The following SSBP3 variants were observed in gnomAD, a reference collection of about 807,000 sequenced individuals.
SSBP3 encodes single-stranded DNA-binding protein 3.
Under a neutral mutation model 69.6 loss-of-function variants are expected in SSBP3, and 5 were observed. That is an observed-to-expected ratio of 0.07 (90% CI 0.04 to 0.15). The LOEUF is 0.15. Among genes scored for constraint, SSBP3 ranks in the 10% least tolerant of loss-of-function variants. The probability of loss-of-function intolerance (pLI) is 1.00; values close to 1 mark genes in which losing one functional copy is unlikely to be tolerated. For synonymous variants in SSBP3, 196 were observed against 193.4 expected, an observed-to-expected ratio of 1.01 and a Z score of -0.11; for missense variants, 312 against 534.0, an observed-to-expected ratio of 0.58 and a Z score of 4.10.
chr1:54,319,069 T>C (rs1478801094), intron 4 of SSBP3, among the ~76,000 whole-genome samples: 6 of 152,108 alleles, frequency 3.9e-5, no homozygotes, highest in African/African-American at 4.8e-5. Context: ...CAGACCACGC[T>C]CAATGGAGTA....
chr1:54,344,404 C>T lies in SSBP3; in HGVS notation c.276+57457G>A, dbSNP rs571403098. On this transcript the variant is annotated intron_variant, in intron 4 of 17. Coordinates refer to ENST00000610401, the Ensembl canonical transcript of SSBP3. Reference sequence around the variant, plus strand: ...CTTGTGCTTCTGCCCAAAGTAGGCTCTTGAAGCCCCCTTTTGAGAATGAAT... The same window carrying T: ...CTTGTGCTTCTGCCCAAAGTAGGCTTTTGAAGCCCCCTTTTGAGAATGAAT... 1.8e-4 allele frequency among the ~76,000 whole-genome samples: 27 copies of T among 152,326 alleles called. No homozygotes were observed. The South Asian group carries it at 5.6e-3, about 32-fold the overall frequency.
intron 4 of SSBP3, among the ~76,000 whole-genome samples, chr1:54,348,742 C>T (rs1646732119): frequency 6.6e-6 from 1 of 152,214 alleles, no homozygotes; most frequent in South Asian, 2.1e-4. Flanking sequence ...CCACTCACTT[C>T]CCCACCATAG....
intron 4 of SSBP3, among the ~76,000 whole-genome samples, chr1:54,351,815 G>C (rs1393475374): frequency 6.6e-6 from 1 of 152,164 alleles, no homozygotes; most frequent in African/African-American, 2.4e-5. Flanking sequence ...AACATCCCCA[G>C]TGCCATCTGG....
At chr1:54,273,419 G>C (rs566278171) in intron 5 of SSBP3, among the ~76,000 whole-genome samples, 1 of 152,316 alleles carries the variant, frequency 6.6e-6, no homozygotes, top group African/African-American at 2.4e-5. Flanking sequence ...GCCAGCCGCC[G>C]CCGAGGCAGC....
intron 4 of SSBP3, among the ~76,000 whole-genome samples, chr1:54,348,672 C>A (rs987817789): frequency 1.3e-5 from 2 of 152,220 alleles, no homozygotes; most frequent in African/African-American, 2.4e-5. Flanking sequence ...AGGTTCTACA[C>A]GCTGCCTCAC....
upstream of SSBP3, among the ~76,000 whole-genome samples, chr1:54,407,872 G>C (rs1649888819): frequency 6.7e-6 from 1 of 149,098 alleles, no homozygotes; most frequent in South Asian, 2.1e-4. Context: ...GGGAAAACAC[G>C]TTTCAAGTAG....
chr1:54,402,132 T>C (rs1166949242), intron 3 of SSBP3, among the ~76,000 whole-genome samples, 187 bp from the exon 4 acceptor site: 1 of 152,254 alleles, frequency 6.6e-6, no homozygotes, highest in African/African-American at 2.4e-5. Flanking sequence ...AGCCAGCCAT[T>C]AGTAATGGCA....
intron 13 of SSBP3, among the ~76,000 whole-genome samples, chr1:54,240,110 G>GCA (rs1259639629): frequency 4.3e-4 from 1 of 2,312 alleles, no homozygotes; most frequent in African/African-American, 1.2e-3. Flanking sequence ...GTGTGCGTGC[G>GCA]CGCGCGCGCG....
intron 4 of SSBP3, among the ~76,000 whole-genome samples, chr1:54,396,812 G>A (rs779163134): frequency 5.5e-5 from 8 of 146,036 alleles, no homozygotes; most frequent in Non-Finnish European, 7.5e-5. Context: ...CACTCCCCCC[G>A]CCCCACCTCC....
chr1:54,357,047 G>A (rs1646880360), intron 4 of SSBP3, among the ~76,000 whole-genome samples: 1 of 152,010 alleles, frequency 6.6e-6, no homozygotes, highest in Admixed American at 6.5e-5. Flanking sequence ...GGGTAACAGA[G>A]GCCTATCTGG....
chr1:54,233,640 C>T (rs1467217288), intron 14 of SSBP3, among the ~76,000 whole-genome samples: 1 of 147,306 alleles, frequency 6.8e-6, no homozygotes, highest in Non-Finnish European at 1.5e-5. Flanking sequence ...GTGAGGGGCG[C>T]CTCTGCCCGG....
intron 11 of SSBP3, 74 bp downstream of exon 11, chr1:54,242,090 C>A: frequency 6.4e-7 from 1 of 1,554,124 alleles, no homozygotes. Context: ...ACACCTACAC[C>A]CAGGGACAGT....
At chr1:54,362,358 C>A (rs1410464172) in intron 4 of SSBP3, among the ~76,000 whole-genome samples, 1 of 152,156 alleles carries the variant, frequency 6.6e-6, no homozygotes, top group Non-Finnish European at 1.5e-5. Flanking sequence ...ACAGAGCAGT[C>A]CCCAGGGTCT....
At chr1:54,385,959 T>G (rs1358566576) in intron 4 of SSBP3, among the ~76,000 whole-genome samples, 2 of 152,210 alleles carry the variant, frequency 1.3e-5, no homozygotes, top group Non-Finnish European at 2.9e-5. Context: ...CGCTTCCTTT[T>G]TCAAAGAAAA....
exon 12 of SSBP3, chr1:54,241,509 T>C (rs143980431): frequency 6.2e-7 from 1 of 1,613,760 alleles, no homozygotes; most frequent in Non-Finnish European, 8.5e-7. Context: ...GAGTATGGAA[T>C]CTAAAAACAA....
Position 54,258,229 on chromosome 1 carries a change from T to G in SSBP3, c.367-80A>C, listed in dbSNP as rs1280329810. On this transcript the variant is annotated intron_variant, in intron 5 of 17. Coordinates refer to ENST00000610401, the Ensembl canonical transcript of SSBP3. The surrounding 1 kb of genome is among the most constrained non-coding windows in gnomAD (Gnocchi z 4.5). ...AGAAGCAGCTTAAAAGAACAAAAAT[T>G]AAACCAAAACGAAGGGTGGGCGGCG... The G allele has an allele frequency of 1.3e-6, 1 of 779,516 alleles. No individual in the cohort carries two copies. Among genetic ancestry groups the G allele is most frequent in the Non-Finnish European group, 1.7e-6 (1 of 587,864 alleles). 48.3% of individuals were successfully genotyped at this position (779,516 alleles called of 1,614,324 possible).
chr1:54,267,382 G>C (rs1177317577), intron 5 of SSBP3, among the ~76,000 whole-genome samples: 1 of 152,244 alleles, frequency 6.6e-6, no homozygotes, highest in Non-Finnish European at 1.5e-5. Flanking sequence ...CTAAGTGCCG[G>C]AGACACGTGA....
chr1:54,333,063 T>G (rs1295472753), intron 4 of SSBP3, among the ~76,000 whole-genome samples: 1 of 152,148 alleles, frequency 6.6e-6, no homozygotes, highest in African/African-American at 2.4e-5. Context: ...ACCTGGTCAC[T>G]TCCCCTCCTG....
chr1:54,367,697 G>C (rs1311614651), intron 4 of SSBP3, among the ~76,000 whole-genome samples: 2 of 152,146 alleles, frequency 1.3e-5, no homozygotes, highest in Non-Finnish European at 2.9e-5. Context: ...ACCTTTGCTA[G>C]GAGCAACACT....
Sources: allele counts gnomAD v4.1 joint callset (sites outside exome capture counted in the v4.1 genomes callset), GRCh38; gene constraint gnomAD v4.1.1; non-coding constraint Gnocchi (gnomAD v3.1); transcripts MANE v1.5; gene names NCBI Gene and HGNC (gene_info 2026-07-23, HGNC 2026-07-21).